Variants in FARP1 observed in about 807,000 individuals in gnomAD.
FARP1 encodes the protein FERM, ARHGEF and pleckstrin domain-containing protein 1.
Under a neutral mutation model 128.8 loss-of-function variants are expected in FARP1, and 52 were observed. The observed-to-expected ratio is 0.40, with a 90% CI of 0.32 to 0.51. The LOEUF (loss-of-function observed/expected upper bound fraction) is 0.51, where lower values mean the gene tolerates loss of function less well. FARP1 is among the 20% of genes least tolerant of loss of function. The pLI is 0.45. For synonymous variants in FARP1, 580 were observed against 551.8 expected, an observed-to-expected ratio of 1.05 and a Z score of -0.72; for missense variants, 1,333 against 1,367.9, an observed-to-expected ratio of 0.97 and a Z score of 0.40.
At chr13:98,150,323 G>A (rs146965264) in intron 1 of FARP1, among the ~76,000 whole-genome samples, 21 of 152,292 alleles carry the variant, frequency 1.4e-4, no homozygotes, top group African/African-American at 3.6e-4. Context: ...GAGTCACTGC[G>A]TCCGGCAGAT....
chr13:98,414,786 C>T (rs564895917), intron 16 of FARP1, among the ~76,000 whole-genome samples: 1 of 152,192 alleles, frequency 6.6e-6, no homozygotes, highest in Non-Finnish European at 1.5e-5. Flanking sequence ...GAGCACTACA[C>T]CACACTCGGC....
At chr13:98,383,331 A>G (rs983463418) in intron 6 of FARP1, among the ~76,000 whole-genome samples, 15 of 152,238 alleles carry the variant, frequency 9.9e-5, no homozygotes, top group African/African-American at 3.6e-4. Context: ...TTAGGAAGGG[A>G]GAAATCAGTC....
rs553288108 is a variant in FARP1 at position 98,358,046 on chromosome 13, G to A, written c.277-7349G>A. On this transcript the variant is annotated intron_variant, in intron 3 of 26. Coordinates refer to ENST00000319562, the MANE Select transcript of FARP1 (RefSeq NM_005766.4). ...GTATTCCTGGCCCTGTGAGCACTAG[G>A]CACTGTTACCTCTAATACATTTCTG... Among the ~76,000 whole-genome samples, 3 of 151,850 alleles carry A rather than the reference G, an allele frequency of 2.0e-5. No individual in the cohort carries two copies. In the East Asian group the frequency reaches 5.8e-4, roughly 29 times the overall value.
At chr13:98,309,724 C>T (rs1886367302) in intron 2 of FARP1, among the ~76,000 whole-genome samples, 1 of 152,158 alleles carries the variant, frequency 6.6e-6, no homozygotes, top group Non-Finnish European at 1.5e-5. Flanking sequence ...CAGCAAACGC[C>T]GTCAAGGCAC....
At chr13:98,216,347 G>T (rs922826517) in intron 2 of FARP1, among the ~76,000 whole-genome samples, 3 of 152,178 alleles carry the variant, frequency 2.0e-5, no homozygotes, top group Non-Finnish European at 2.9e-5. Flanking sequence ...CAGCTCCCCA[G>T]TCTTGCTTTA....
chr13:98,305,012 T>C (rs1468060478), intron 2 of FARP1, among the ~76,000 whole-genome samples: 2 of 152,174 alleles, frequency 1.3e-5, no homozygotes, highest in African/African-American at 4.8e-5. Flanking sequence ...ATGGCCATAA[T>C]GCTTTTAGCA....
At chr13:98,258,880 G>T (rs923643734) in intron 2 of FARP1, among the ~76,000 whole-genome samples, 1 of 152,112 alleles carries the variant, frequency 6.6e-6, no homozygotes, top group Non-Finnish European at 1.5e-5. Context: ...TTGAATTTGA[G>T]AATTTAAAAT....
intron 2 of FARP1, among the ~76,000 whole-genome samples, chr13:98,303,366 T>C (rs1885999852): frequency 1.3e-5 from 2 of 152,258 alleles, no homozygotes; most frequent in African/African-American, 2.4e-5. Context: ...ACTGTATACT[T>C]ACAGTAGTTG....
chr13:98,308,729 C>T lies in FARP1; in HGVS notation c.172-35033C>T, dbSNP rs557236521. 1.2e-4 allele frequency among the ~76,000 whole-genome samples: 19 copies of T among 152,236 alleles called. No homozygotes were observed. The Middle Eastern group carries it at 0.014, about 109-fold the overall frequency. Reference sequence around the variant, plus strand: ...TGCTGGCCAGGCTGGAGTGCAGAGGCGCAGTCTTGGCTCACTGCAACCTCT... The same window carrying T: ...TGCTGGCCAGGCTGGAGTGCAGAGGTGCAGTCTTGGCTCACTGCAACCTCT... On this transcript the variant is annotated intron_variant, in intron 2 of 26. Transcript: ENST00000319562.
In FARP1 at chr13:98,205,232, A is replaced by G. The variant is rs190063690; in HGVS notation, c.-23-7988A>G. On this transcript the variant is annotated intron_variant, in intron 1 of 26. Coordinates refer to ENST00000319562, the MANE Select transcript of FARP1 (RefSeq NM_005766.4). ...TTATGGTAGTTATCCCTGGAATAGG[A>G]TATCTTCATTTATTATGCACAAGTA... is the stretch of plus-strand genomic sequence containing the variant. Among the ~76,000 whole-genome samples, 292 of 152,216 alleles carry G rather than the reference A, an allele frequency of 1.9e-3. 2 individuals are homozygous for G. Among genetic ancestry groups the G allele is most frequent in the Non-Finnish European group, 3.5e-3 (237 of 68,024 alleles).
At chr13:98,411,337 A>G (rs987324948) in intron 15 of FARP1, among the ~76,000 whole-genome samples, 2 of 152,196 alleles carry the variant, frequency 1.3e-5, no homozygotes, top group African/African-American at 4.8e-5. Flanking sequence ...GCACAAGCCA[A>G]TTGGGAGGGA....
At chr13:98,280,153 T>G (rs1884861855) in intron 2 of FARP1, among the ~76,000 whole-genome samples, 1 of 152,226 alleles carries the variant, frequency 6.6e-6, no homozygotes, top group Admixed American at 6.5e-5. Context: ...GAGGAAATCC[T>G]TCTTTAACAC....
At chr13:98,412,418 T>C (rs1891227581) in intron 16 of FARP1, among the ~76,000 whole-genome samples, 1 of 152,254 alleles carries the variant, frequency 6.6e-6, no homozygotes. Context: ...AGTACATACA[T>C]GCCTTGTGCA....
intron 1 of FARP1, among the ~76,000 whole-genome samples, chr13:98,180,688 G>C (rs185197917): frequency 6.6e-6 from 1 of 151,954 alleles, no homozygotes; most frequent in Non-Finnish European, 1.5e-5. Flanking sequence ...GTTTTCTCTG[G>C]TGTCTCTTTC....
chr13:98,207,908 CCACACA>C (rs71111934), intron 1 of FARP1, among the ~76,000 whole-genome samples: 2,784 of 71,486 alleles, frequency 0.039, 57 homozygotes, highest in Non-Finnish European at 0.044. Flanking sequence ...ACCACCACCT[CCACACA>C]CACACACACA....
chr13:98,225,478 T>C (rs1200103402), intron 2 of FARP1, among the ~76,000 whole-genome samples: 1 of 152,208 alleles, frequency 6.6e-6, no homozygotes, highest in East Asian at 1.9e-4. Flanking sequence ...GAGTGTTTGC[T>C]AACTGTGGAC....
At position 98,262,171 on chromosome 13, in the gene FARP1, G is replaced by A. The variant is rs575217370; in HGVS notation, c.171+48758G>A. ...GCTGGGACTGCAGGTGTGTGCTACCGCGCCCTGCTAATTTTTTTTTTTTTT... is the reference window on the plus strand; with the variant it reads ...GCTGGGACTGCAGGTGTGTGCTACCACGCCCTGCTAATTTTTTTTTTTTTT... On this transcript the variant is annotated intron_variant, in intron 2 of 26. Transcript: ENST00000319562. Among the ~76,000 whole-genome samples, 37 of 150,030 alleles carry A rather than the reference G, an allele frequency of 2.5e-4. No homozygotes were observed. In the East Asian group the frequency reaches 2.9e-3, roughly 12 times the overall value.
intron 16 of FARP1, among the ~76,000 whole-genome samples, chr13:98,419,379 C>T (rs1324833068): frequency 2.0e-5 from 3 of 151,884 alleles, no homozygotes; most frequent in Non-Finnish European, 4.4e-5. Context: ...GAGGCAGAGG[C>T]AGGAGAATCA....
intron 26 of FARP1, chr13:98,447,303 G>C (rs1413271536): frequency 3.2e-5 from 5 of 154,512 alleles, no homozygotes; most frequent in Non-Finnish European, 7.2e-5. Context: ...GGAGGCAGAA[G>C]GGGAGGGGTC....
Sources: gnomAD v4.1 joint callset for allele counts (sites outside exome capture counted in the v4.1 genomes callset) on GRCh38, gnomAD v4.1.1 for gene constraint, MANE v1.5 for transcripts, NCBI Gene and HGNC (gene_info 2026-07-23, HGNC 2026-07-21) for gene names.